The following GPC6 variants were observed in gnomAD, a reference collection of about 807,000 sequenced individuals.
The protein encoded by GPC6 is glypican 6, also known as glypican-6.
In GPC6, 14 loss-of-function variants were observed where a neutral mutation model predicts 55.2. That is an observed-to-expected ratio of 0.25 (90% CI 0.17 to 0.40). GPC6 has a LOEUF of 0.40. GPC6 is among the 10% of genes least tolerant of loss of function. GPC6 has a pLI of 1.00. For synonymous variants in GPC6, 278 were observed against 259.6 expected, an observed-to-expected ratio of 1.07 and a Z score of -0.68; for missense variants, 641 against 708.5, an observed-to-expected ratio of 0.90 and a Z score of 1.08.
At chr13:93,804,167 C>A (rs1292745252) in intron 2 of GPC6, among the ~76,000 whole-genome samples, 1 of 151,942 alleles carries the variant, frequency 6.6e-6, no homozygotes, top group Non-Finnish European at 1.5e-5. Context: ...TTCTGGGTTT[C>A]TGATGGAATT....
intron 3 of GPC6, among the ~76,000 whole-genome samples, chr13:93,858,881 C>T (rs1888716464): frequency 1.3e-5 from 2 of 151,320 alleles, no homozygotes; most frequent in Admixed American, 6.6e-5. Context: ...GGAAGGGAGA[C>T]ATTGAAGCTA....
At chr13:93,646,607 A>G (rs1880183836) in intron 2 of GPC6, among the ~76,000 whole-genome samples, 1 of 152,076 alleles carries the variant, frequency 6.6e-6, no homozygotes, top group African/African-American at 2.4e-5. Context: ...TAAAATCCTC[A>G]TTTCAATCCG....
intron 1 of GPC6, among the ~76,000 whole-genome samples, chr13:93,306,221 G>T (rs1275497049): frequency 6.6e-6 from 1 of 152,148 alleles, no homozygotes; most frequent in Non-Finnish European, 1.5e-5. Flanking sequence ...GTAAAAGATT[G>T]AAATGTAAAG....
chr13:93,363,091 T>TCTTTTTTTTCTTTC (rs1881099970), intron 1 of GPC6, among the ~76,000 whole-genome samples: 1 of 150,238 alleles, frequency 6.7e-6, no homozygotes. Flanking sequence ...AGGTTTTGTG[T>TCTTTTTTTTCTTTC]CTTTTTTTTT....
chr13:93,970,843 A>G (rs9524293), intron 3 of GPC6, among the ~76,000 whole-genome samples: 27,410 of 152,154 alleles, frequency 0.18, 2,587 homozygotes, highest in East Asian at 0.27. Context: ...GCAGAAGCTT[A>G]AGTTTTTATA....
At chr13:93,914,429 A>G (rs2389076) in intron 3 of GPC6, among the ~76,000 whole-genome samples, 140,261 of 152,260 alleles carry the variant, frequency 0.92, 64,653 homozygotes, top group African/African-American at 0.94. Flanking sequence ...AGTATTCCAT[A>G]GTGTATATGT....
rs566931926 is a variant in GPC6, at chr13:93,605,589, C to A, written c.319+60168C>A. Among the ~76,000 whole-genome samples the A allele has an allele frequency of 3.3e-5, 5 of 151,838 alleles. No homozygotes were observed. The East Asian group carries it at 9.7e-4, about 30-fold the overall frequency. ...TGGTGGCTCACGCCTGTAATCCCAG[C>A]ACTTTGGGACGCCAAGGCAGGCAAA... On this transcript the variant is annotated intron_variant, in intron 2 of 8. Coordinates refer to ENST00000377047, the MANE Select transcript of GPC6 (RefSeq NM_005708.5).
At chr13:94,371,505 CTGTTTCCTTTT>C (rs960090209) in intron 6 of GPC6, among the ~76,000 whole-genome samples, 1 of 152,096 alleles carries the variant, frequency 6.6e-6, no homozygotes, top group African/African-American at 2.4e-5. Flanking sequence ...TTTCTAAGGC[CTGTTTCCTTTT>C]TGTATAAGGG....
rs76295529 is a variant in GPC6 at position 93,264,758 on chromosome 13, A to T, written c.160+37142A>T. 2.1e-3 allele frequency among the ~76,000 whole-genome samples: 322 copies of T among 152,282 alleles called. 2 individuals are homozygous for T. The East Asian group carries it at 0.026, about 12-fold the overall frequency. On this transcript the variant is annotated intron_variant, in intron 1 of 8. Transcript: ENST00000377047. ...TAATACCTAATACAGTGTAAATGCTATATAAATAGTTGTTATATTATATTT... is the reference window on the plus strand; with the variant it reads ...TAATACCTAATACAGTGTAAATGCTTTATAAATAGTTGTTATATTATATTT...
At chr13:93,222,010 CT>C (rs1875640268), upstream of GPC6, among the ~76,000 whole-genome samples, 2 of 12,882 alleles carry the variant, frequency 1.6e-4, no homozygotes, top group Non-Finnish European at 2.8e-3. Context: ...TGTAGCTCTG[CT>C]TTTTATTTTT....
intron 3 of GPC6, among the ~76,000 whole-genome samples, chr13:93,912,570 C>T (rs1473557706): frequency 1.3e-5 from 2 of 152,002 alleles, no homozygotes; most frequent in Non-Finnish European, 2.9e-5. Flanking sequence ...GGTGAAACCC[C>T]ATCTCTACTA....
chr13:93,502,669 G>T (rs1007647709), intron 1 of GPC6, among the ~76,000 whole-genome samples: 1 of 152,078 alleles, frequency 6.6e-6, no homozygotes, highest in Non-Finnish European at 1.5e-5. Context: ...CAGCTATAGA[G>T]ATAGTATGTT....
At chr13:94,187,615 C>A (rs908392287) in intron 4 of GPC6, among the ~76,000 whole-genome samples, 1 of 152,100 alleles carries the variant, frequency 6.6e-6, no homozygotes, top group African/African-American at 2.4e-5. Context: ...AGGTATTCAA[C>A]AAATACTTAT....
intron 1 of GPC6, among the ~76,000 whole-genome samples, chr13:93,514,955 A>C (rs1322537751): frequency 6.6e-6 from 1 of 152,174 alleles, no homozygotes; most frequent in Non-Finnish European, 1.5e-5. Context: ...GTCTCCCAAA[A>C]TTCATGCATT....
chr13:94,112,359 A>G (rs1886277578), intron 4 of GPC6, among the ~76,000 whole-genome samples: 1 of 152,152 alleles, frequency 6.6e-6, no homozygotes, highest in South Asian at 2.1e-4. Flanking sequence ...CTTCCTTGTA[A>G]TGTGCTAGGG....
At chr13:94,397,726 A>G (rs1880951743) in intron 7 of GPC6, among the ~76,000 whole-genome samples, 1 of 152,232 alleles carries the variant, frequency 6.6e-6, no homozygotes, top group African/African-American at 2.4e-5. Flanking sequence ...CAAAATTAGC[A>G]GAACTGAGGA....
intron 4 of GPC6, among the ~76,000 whole-genome samples, chr13:94,045,832 C>A (rs989295371): frequency 4.6e-5 from 7 of 151,752 alleles, no homozygotes; most frequent in African/African-American, 1.7e-4. Flanking sequence ...TTCTGTTAGC[C>A]CTGTACGTTT....
intron 3 of GPC6, among the ~76,000 whole-genome samples, chr13:93,921,555 C>T (rs1342884392): frequency 6.6e-6 from 1 of 151,972 alleles, no homozygotes; most frequent in Non-Finnish European, 1.5e-5. Context: ...TTCAGCCATC[C>T]TGTGGCCGAT....
At position 93,927,205 on chromosome 13, in the gene GPC6, C is replaced by T. The variant is rs552834832; in HGVS notation, c.711+96660C>T. 1.6e-4 allele frequency among the ~76,000 whole-genome samples: 24 copies of T among 152,054 alleles called. No homozygotes were observed. The South Asian group carries it at 2.9e-3, about 18-fold the overall frequency. On this transcript the variant is annotated intron_variant, in intron 3 of 8. Transcript: ENST00000377047. The stretch of plus-strand genomic sequence containing the variant: ...CAATATCTTAGCCTGTCTGTGGAGA[C>T]GAGGAGAGAATTTCATTGAGTCTCA...
Sources: allele counts gnomAD v4.1 joint callset (sites outside exome capture counted in the v4.1 genomes callset), GRCh38; gene constraint gnomAD v4.1.1; transcripts MANE v1.5; gene names NCBI Gene and HGNC (gene_info 2026-07-23, HGNC 2026-07-21).